HRH2: variants seen among roughly 807,000 people sequenced by gnomAD.
HRH2 encodes the protein histamine receptor H2.
A neutral mutation model predicts 20.1 loss-of-function variants in HRH2; 4 were observed. The observed-to-expected ratio is 0.20, with a 90% CI of 0.10 to 0.45. The LOEUF (loss-of-function observed/expected upper bound fraction) is 0.45, where lower values mean the gene tolerates loss of function less well. Ranked by LOEUF, HRH2 falls within the 20% of genes least tolerant of loss-of-function variation. The pLI is 0.99. For synonymous variants in HRH2, 197 were observed against 200.7 expected, an observed-to-expected ratio of 0.98 and a Z score of 0.16; for missense variants, 250 against 461.6, an observed-to-expected ratio of 0.54 and a Z score of 4.20.
At chr5:175,704,130 A>C (rs1428931970) in intron 2 of HRH2, 1 of 152,186 alleles carries the variant, frequency 6.6e-6, no homozygotes, top group Non-Finnish European at 1.5e-5. Flanking sequence ...AGAGAAAAAG[A>C]GAGAAACTCT....
At chr5:175,671,260 A>G in intron 1 of HRH2, among the ~76,000 whole-genome samples, 1 of 152,206 alleles carries the variant, frequency 6.6e-6, no homozygotes, top group Admixed American at 6.5e-5. Flanking sequence ...TTCTCAGAAG[A>G]GCAGAGGTTG....
chr5:175,698,478 C>T (rs927059396), intron 2 of HRH2, among the ~76,000 whole-genome samples: 2 of 152,174 alleles, frequency 1.3e-5, no homozygotes, highest in African/African-American at 2.4e-5. Flanking sequence ...CTCGCTTTAT[C>T]GTGCCATTGA....
chr5:175,702,718 A>ATTTTTTTT (rs778509797), intron 2 of HRH2, among the ~76,000 whole-genome samples: 3 of 139,746 alleles, frequency 2.1e-5, no homozygotes, highest in African/African-American at 5.8e-5. Context: ...CGCCTGGCTA[A>ATTTTTTTT]TTTTTTCTTT....
chr5:175,685,023 TG>T (rs550545040), intron 2 of HRH2, among the ~76,000 whole-genome samples: 128 of 152,200 alleles, frequency 8.4e-4, no homozygotes, highest in African/African-American at 2.8e-3. Flanking sequence ...ACGAGGGGGT[TG>T]TGGCACTGAC....
chr5:175,706,698 A>G lies in HRH2; in HGVS notation c.1077-1081A>G, dbSNP rs184781563. ...AGGCCCAGGTGCAGGTGGGGTGTTC[A>G]GGGAGGAAGGGCCACACCCAGGCCT... is the stretch of plus-strand genomic sequence containing the variant. On this transcript the variant is annotated intron_variant, in intron 2 of 2. Coordinates refer to ENST00000636584, the MANE Select transcript of HRH2 (RefSeq NM_001367711.1). Among the ~76,000 whole-genome samples, 712 of 152,368 alleles carry G rather than the reference A, an allele frequency of 4.7e-3. 6 individuals are homozygous for G. Among genetic ancestry groups the G allele is most frequent in the Non-Finnish European group, 7.1e-3 (482 of 68,044 alleles).
Position 175,708,635 on chromosome 5 carries a change from G to A in HRH2, c.*664G>A, listed in dbSNP as rs1757015072. 6.6e-6 allele frequency: 1 copy of A among 152,308 alleles called. No individual in the cohort carries two copies. The highest frequency in any genetic ancestry group is 1.5e-5 in the Non-Finnish European group (1 of 68,128). The allele number at this position is 152,308 out of a possible 1,614,324, so 9.4% of individuals were successfully genotyped here. ...ACATAGGAGGCACACAAAAATATGT[G>A]TTGAATGGGTGAATGAATGAGAGAA... On this transcript the variant is annotated 3_prime_UTR_variant, in exon 3 of 3. Coordinates refer to ENST00000636584, the MANE Select transcript of HRH2 (RefSeq NM_001367711.1).
chr5:175,662,549 C>T (rs899984553), intron 1 of HRH2, among the ~76,000 whole-genome samples: 2 of 152,232 alleles, frequency 1.3e-5, no homozygotes, highest in Non-Finnish European at 2.9e-5. Flanking sequence ...CTTCAAAGCA[C>T]TGGTCCTTTG....
chr5:175,668,131 G>A (rs1755364794), intron 1 of HRH2, among the ~76,000 whole-genome samples: 1 of 152,208 alleles, frequency 6.6e-6, no homozygotes, highest in African/African-American at 2.4e-5. Context: ...TGGGGATGAG[G>A]TTCTGGAAGG....
intron 2 of HRH2, among the ~76,000 whole-genome samples, chr5:175,701,964 T>C (rs1756800840): frequency 6.6e-6 from 1 of 152,204 alleles, no homozygotes; most frequent in Admixed American, 6.5e-5. Context: ...TTAAACCTAC[T>C]AGAATCTCTG....
chr5:175,698,278 C>G (rs1007707072), intron 2 of HRH2, among the ~76,000 whole-genome samples: 3 of 152,240 alleles, frequency 2.0e-5, no homozygotes, highest in Admixed American at 6.5e-5. Context: ...CTCGTATTAT[C>G]CGTCTGTGCC....
At position 175,677,391 on chromosome 5, in the gene HRH2, C is replaced by T. The variant is rs139625815; in HGVS notation, c.-525-5318C>T. Among the ~76,000 whole-genome samples, 205 of 152,280 alleles carry T rather than the reference C, an allele frequency of 1.3e-3. No homozygotes were observed. Among genetic ancestry groups the T allele is most frequent in the African/African-American group, 4.6e-3 (192 of 41,546 alleles). On this transcript the variant is annotated intron_variant, in intron 1 of 2. Coordinates refer to ENST00000636584, the MANE Select transcript of HRH2 (RefSeq NM_001367711.1). The surrounding 1 kb of genome is among the most constrained non-coding windows in gnomAD (Gnocchi z 4.2). ...AAAAACATGAGCTCAGGTATCTTTT[C>T]GATGTATCGGTCAGCATTTCTTAAA... is the stretch of plus-strand genomic sequence containing the variant.
At chr5:175,697,202 G>A (rs1037591135) in intron 2 of HRH2, among the ~76,000 whole-genome samples, 3 of 152,092 alleles carry the variant, frequency 2.0e-5, no homozygotes, top group Non-Finnish European at 2.9e-5. Flanking sequence ...GGTGGCTCAC[G>A]CCTGTAATCC....
intron 1 of HRH2, among the ~76,000 whole-genome samples, chr5:175,662,022 AAAAT>A (rs60453819): frequency 9.4e-4 from 142 of 150,560 alleles, no homozygotes; most frequent in African/African-American, 3.2e-3. Context: ...TCTGTCTCAA[AAAAT>A]AAATAAATAA....
chr5:175,690,440 G>A (rs1434642029), intron 2 of HRH2, among the ~76,000 whole-genome samples: 1 of 152,174 alleles, frequency 6.6e-6, no homozygotes, highest in African/African-American at 2.4e-5. Flanking sequence ...GGTGTAAGGG[G>A]CGCAGACATT....
At chr5:175,695,800 G>A (rs371658748) in intron 2 of HRH2, among the ~76,000 whole-genome samples, 1 of 152,332 alleles carries the variant, frequency 6.6e-6, no homozygotes, top group South Asian at 2.1e-4. Flanking sequence ...ATGGGCCAGG[G>A]AACAGGGAAG....
intron 1 of HRH2, among the ~76,000 whole-genome samples, chr5:175,674,429 T>A (rs1471059793): frequency 6.6e-6 from 1 of 152,146 alleles, no homozygotes; most frequent in Non-Finnish European, 1.5e-5. Context: ...GGGTCCTTGC[T>A]TCAAGTCCAG....
At position 175,708,977 on chromosome 5, in the gene HRH2, A is replaced by T. The variant is rs1757022449; in HGVS notation, c.*1006A>T. 1 of 152,158 alleles carries T rather than the reference A, an allele frequency of 6.6e-6. No homozygotes were observed. Among genetic ancestry groups the T allele is most frequent in the African/African-American group, 2.4e-5 (1 of 41,406 alleles). The allele number at this position is 152,158 out of a possible 1,614,324, so 9.4% of individuals were successfully genotyped here. ...CTCTGGTGGCCGTATGACCTTGGGCACGTCTCCTGACCACTCTAAGCAGCT... is the reference window on the plus strand; with the variant it reads ...CTCTGGTGGCCGTATGACCTTGGGCTCGTCTCCTGACCACTCTAAGCAGCT... On this transcript the variant is annotated 3_prime_UTR_variant, in exon 3 of 3. Transcript: ENST00000636584.
intron 1 of HRH2, among the ~76,000 whole-genome samples, chr5:175,680,641 G>T (rs1024164447): frequency 6.6e-6 from 1 of 152,214 alleles, no homozygotes; most frequent in Non-Finnish European, 1.5e-5. Context: ...CCCATTGAAG[G>T]TTGCTCCATA....
chr5:175,664,413 T>C lies in HRH2; in HGVS notation c.-526+6258T>C, dbSNP rs144222812. ...ATAGTGTGGAAAGCAGACAGGTGCA[T>C]GGGAATGCAGCAGATAGACACAGAG... On this transcript the variant is annotated intron_variant, in intron 1 of 2. Coordinates refer to ENST00000636584, the MANE Select transcript of HRH2 (RefSeq NM_001367711.1). 2.9e-3 allele frequency among the ~76,000 whole-genome samples: 441 copies of C among 152,094 alleles called. 1 individual carries two copies. The highest frequency in any genetic ancestry group is 9.7e-3 in the African/African-American group (404 of 41,500).
Sources: gnomAD v4.1 joint callset for allele counts (sites outside exome capture counted in the v4.1 genomes callset) on GRCh38, gnomAD v4.1.1 for gene constraint, Gnocchi (gnomAD v3.1) non-coding constraint, MANE v1.5 for transcripts, NCBI Gene and HGNC (gene_info 2026-07-23, HGNC 2026-07-21) for gene names.